Variants in GPBP1L1 observed in about 807,000 individuals in gnomAD.
GPBP1L1 encodes the protein vasculin-like protein 1.
GPBP1L1 carries 23 observed loss-of-function variants against 52.5 expected under a neutral mutation model. That is an observed-to-expected ratio of 0.44 (90% CI 0.32 to 0.62). GPBP1L1 has a LOEUF of 0.62. Ranked by LOEUF, GPBP1L1 falls within the 20% of genes least tolerant of loss-of-function variation. GPBP1L1 has a pLI of 0.06. For synonymous variants in GPBP1L1, 243 were observed against 203.1 expected, an observed-to-expected ratio of 1.20 and a Z score of -1.67; for missense variants, 596 against 579.3, an observed-to-expected ratio of 1.03 and a Z score of -0.30.
intron 5 of GPBP1L1, 152 bp downstream of exon 5, chr1:45,655,038 G>T: frequency 9.8e-7 from 1 of 1,021,250 alleles, no homozygotes; most frequent in Non-Finnish European, 1.5e-6. Context: ...GACCTAGAAA[G>T]CCAATGTAGT....
intron 12 of GPBP1L1, 122 bp downstream of exon 12, chr1:45,629,454 T>TCCCCGCC: frequency 1.0e-4 from 12 of 115,392 alleles, no homozygotes; most frequent in South Asian, 1.9e-4. Flanking sequence ...ACTAAGGTAA[T>TCCCCGCC]CCCCCCCCCC....
At chr1:45,653,349 C>T (rs1199650735) in intron 6 of GPBP1L1, among the ~76,000 whole-genome samples, 1 of 152,078 alleles carries the variant, frequency 6.6e-6, no homozygotes, top group Admixed American at 6.6e-5. Flanking sequence ...GCCTGGGCAA[C>T]ATAGTGATAG....
intron 12 of GPBP1L1, among the ~76,000 whole-genome samples, chr1:45,628,917 C>T (rs1273596500): frequency 2.6e-5 from 4 of 152,222 alleles, no homozygotes; most frequent in Non-Finnish European, 5.9e-5. Flanking sequence ...CTGCCTCGGC[C>T]TCCCAAAGTG....
Position 45,628,225 on chromosome 1 carries a change from G to T in GPBP1L1, c.*31C>A, listed in dbSNP as rs541428578. The T allele has an allele frequency of 2.3e-5, 37 of 1,604,368 alleles. No homozygotes were observed. The highest frequency in any genetic ancestry group is 3.1e-5 in the Non-Finnish European group (36 of 1,172,368). On this transcript the variant is annotated 3_prime_UTR_variant, in exon 13 of 13. Transcript: ENST00000355105. ...ACTCCCTAAACACACAGAGTTTACT[G>T]GGTCAGATTTAACTGTGAGCATTTA...
chr1:45,676,659 G>GA (rs1163450469), intron 2 of GPBP1L1, among the ~76,000 whole-genome samples: 2 of 147,158 alleles, frequency 1.4e-5, no homozygotes, highest in African/African-American at 5.1e-5. Flanking sequence ...GCAGTGAGCC[G>GA]AGACTGCACC....
Position 45,628,144 on chromosome 1 carries a change from T to C in GPBP1L1, c.*112A>G. ...TCTCTTTGGGATATGATTATTTCCC[T>C]TGTGAATGAAGTATTCAACAACATA... On this transcript the variant is annotated 3_prime_UTR_variant, in exon 13 of 13. Transcript: ENST00000355105. 2.0e-6 allele frequency: 2 copies of C among 1,024,606 alleles called. No individual in the cohort carries two copies. The highest frequency in any genetic ancestry group is 2.9e-6 in the Non-Finnish European group (2 of 689,518). The allele number at this position is 1,024,606 out of a possible 1,614,324, so 63.5% of individuals were successfully genotyped here.
At chr1:45,638,453 C>T (rs2148433452) in intron 8 of GPBP1L1, among the ~76,000 whole-genome samples, 1 of 152,274 alleles carries the variant, frequency 6.6e-6, no homozygotes, top group East Asian at 1.9e-4. Flanking sequence ...CAACTTGTTA[C>T]CCCTGTTGCT....
chr1:45,665,270 A>C lies in GPBP1L1; in HGVS notation c.-1097-4045T>G, dbSNP rs182773781. Among the ~76,000 whole-genome samples, 51 of 151,866 alleles carry C rather than the reference A, an allele frequency of 3.4e-4. No homozygotes were observed. In the East Asian group the frequency reaches 9.0e-3, roughly 27 times the overall value. The stretch of plus-strand genomic sequence containing the variant: ...TTGCAGGCTGAGGGAGACTCTCACA[A>C]AGAAAAACAAAACATGAAAGACTAG... On this transcript the variant is annotated intron_variant, in intron 2 of 12. Transcript: ENST00000355105.
At chr1:45,641,767 G>A (rs1438138051) in intron 7 of GPBP1L1, 1 of 134,420 alleles carries the variant, frequency 7.4e-6, no homozygotes, top group Non-Finnish European at 1.5e-5. Context: ...AGTGAGCTGA[G>A]ATCTCGCCAC....
At chr1:45,653,988 C>A (rs758889747) in intron 6 of GPBP1L1, among the ~76,000 whole-genome samples, 1 of 151,892 alleles carries the variant, frequency 6.6e-6, no homozygotes, top group Non-Finnish European at 1.5e-5. Context: ...CATGAGCCAC[C>A]GAGCCCAGCC....
At position 45,628,010 on chromosome 1, in the gene GPBP1L1, G is replaced by A; in HGVS notation, c.*246C>T. 4 of 443,674 alleles carry A rather than the reference G, an allele frequency of 9.0e-6. No individual in the cohort carries two copies. Among genetic ancestry groups the A allele is most frequent in the Non-Finnish European group, 1.2e-5 (3 of 241,270 alleles). 27.5% of individuals were successfully genotyped at this position (443,674 alleles called of 1,614,324 possible). On this transcript the variant is annotated 3_prime_UTR_variant, in exon 13 of 13. Transcript: ENST00000355105. Reference sequence around the variant, plus strand: ...CCCCATATATACTGGGTGTGTATGTGTGTGTGTGTGTGAGTGTGTTTAAAA... The same window carrying A: ...CCCCATATATACTGGGTGTGTATGTATGTGTGTGTGTGAGTGTGTTTAAAA...
At chr1:45,675,052 T>C (rs1397133037) in intron 2 of GPBP1L1, among the ~76,000 whole-genome samples, 2 of 152,052 alleles carry the variant, frequency 1.3e-5, no homozygotes, top group African/African-American at 2.4e-5. Flanking sequence ...AACTCTTGCT[T>C]CATTGGGAGG....
chr1:45,637,520 C>T (rs201946670), intron 8 of GPBP1L1, among the ~76,000 whole-genome samples: 1 of 82,500 alleles, frequency 1.2e-5, no homozygotes, highest in Non-Finnish European at 2.9e-5. Flanking sequence ...CTTCAAGCTT[C>T]AAGAGCAGCA....
chr1:45,633,925 AT>A, intron 9 of GPBP1L1, 170 bp downstream of exon 9: 1 of 742,180 alleles, frequency 1.3e-6, no homozygotes, highest in Non-Finnish European at 2.1e-6. Flanking sequence ...CATCTATCCC[AT>A]TTAGCCACTG....
chr1:45,656,860 T>C (rs918755641), intron 4 of GPBP1L1, among the ~76,000 whole-genome samples: 1 of 151,866 alleles, frequency 6.6e-6, no homozygotes, highest in Non-Finnish European at 1.5e-5. Context: ...TTTTTAAATT[T>C]TTCTTGTAGA....
Position 45,660,404 on chromosome 1 carries a change from G to A in GPBP1L1, c.-276C>T. On this transcript the variant is annotated 5_prime_UTR_variant, in exon 3 of 13. Transcript: ENST00000355105. ...TGACACGTTTCCAAAAGGGGAAAGG[G>A]GAAAAGGGGAAGGGGGGAAGGGGAA... The A allele has an allele frequency of 1.0e-6, 1 of 983,612 alleles. No individual in the cohort carries two copies. The highest frequency in any genetic ancestry group is 1.2e-6 in the Non-Finnish European group (1 of 828,422). The allele number at this position is 983,612 out of a possible 1,614,324, so 60.9% of individuals were successfully genotyped here.
chr1:45,628,694 C>T (rs780408791), intron 12 of GPBP1L1, among the ~76,000 whole-genome samples: 16 of 152,170 alleles, frequency 1.1e-4, no homozygotes, highest in Non-Finnish European at 1.5e-4. Flanking sequence ...GACGGAATCT[C>T]GCTCTGTCAC....
rs962261726 is a variant in GPBP1L1, at chr1:45,627,553, T to C, written c.*703A>G. On this transcript the variant is annotated 3_prime_UTR_variant, in exon 13 of 13. Transcript: ENST00000355105. ...TATGCAGTAGTTTCCCCCTCGAGAC[T>C]TGTGATAACCACATCTTTTAAATCT... 3 of 152,608 alleles carry C rather than the reference T, an allele frequency of 2.0e-5. No individual in the cohort carries two copies. Among genetic ancestry groups the C allele is most frequent in the African/African-American group, 7.2e-5 (3 of 41,450 alleles). The allele number at this position is 152,608 out of a possible 1,614,324, so 9.5% of individuals were successfully genotyped here. A position where few individuals can be genotyped will look rare whatever the true frequency, so the allele number is the denominator to read the frequency against.
At chr1:45,686,876 T>A (rs1166307009), upstream of GPBP1L1, 2 of 152,582 alleles carry the variant, frequency 1.3e-5, no homozygotes, top group Non-Finnish European at 2.9e-5. Flanking sequence ...CTAACCCCCT[T>A]GCCCACTTCC....
Sources: gnomAD v4.1 joint callset for allele counts (sites outside exome capture counted in the v4.1 genomes callset) on GRCh38, gnomAD v4.1.1 for gene constraint, MANE v1.5 for transcripts, NCBI Gene and HGNC (gene_info 2026-07-23, HGNC 2026-07-21) for gene names.